The following MEGF10 variants were observed in gnomAD, a reference collection of about 807,000 sequenced individuals.
MEGF10 encodes the protein multiple EGF like domains 10.
A neutral mutation model predicts 147.5 loss-of-function variants in MEGF10; 86 were observed. That is an observed-to-expected ratio of 0.58 (90% CI 0.49 to 0.70). The LOEUF is 0.70. MEGF10 is among the 30% of genes least tolerant of loss of function. The pLI is 0.00. For synonymous variants in MEGF10, 478 were observed against 525.5 expected (o/e 0.91, Z 1.24); for missense variants, 1,329 against 1,487.3 (o/e 0.89, Z 1.75).
intron 13 of MEGF10, among the ~76,000 whole-genome samples, chr5:127,425,206 G>A (rs1765170587): frequency 6.6e-6 from 1 of 152,182 alleles, no homozygotes; most frequent in South Asian, 2.1e-4. Flanking sequence ...CACAGTCTGG[G>A]TCATGGGGTA....
intron 7 of MEGF10, 27 bp downstream of exon 7, chr5:127,398,823 C>T: frequency 6.2e-7 from 1 of 1,612,788 alleles, no homozygotes; most frequent in East Asian, 2.2e-5. Context: ...CCTCCTCTGC[C>T]CCTGCCCCAA....
intron 1 of MEGF10, among the ~76,000 whole-genome samples, chr5:127,306,990 C>T (rs1244400596): frequency 2.0e-5 from 3 of 152,048 alleles, no homozygotes; most frequent in Non-Finnish European, 4.4e-5. Context: ...AAATCATTGA[C>T]AGTGATGCAG....
At chr5:127,367,983 A>C (rs1449858676) in intron 4 of MEGF10, among the ~76,000 whole-genome samples, 2 of 152,190 alleles carry the variant, frequency 1.3e-5, no homozygotes, top group Non-Finnish European at 2.9e-5. Context: ...CATTTAGTTG[A>C]ACTTCCCACA....
chr5:127,432,523 A>C (rs923132195), intron 13 of MEGF10, among the ~76,000 whole-genome samples: 2 of 152,204 alleles, frequency 1.3e-5, no homozygotes, highest in Non-Finnish European at 2.9e-5. Context: ...AATGTGAAGA[A>C]CATTTCTTTG....
chr5:127,237,006 A>G, the MEGF10 span, among the ~76,000 whole-genome samples: 2 of 152,206 alleles, frequency 1.3e-5, no homozygotes, highest in East Asian at 1.9e-4. Context: ...TATGAATTCC[A>G]TATTGACTTC....
At position 127,396,649 on chromosome 5, in the gene MEGF10, G is replaced by A. The variant is rs373950666; in HGVS notation, c.530G>A (p.Arg177His). Residue 177 changes from arginine (R) to histidine (H), a missense_variant, in exon 6 of 25, where the codon CGC (arginine) becomes CAC (histidine). Arg to His is a conservative substitution (Grantham distance 29, BLOSUM62 0). Around this residue, in one of 3 missense-constraint regions of MEGF10, gnomAD observed 980 missense variants for 1,085.9 expected, o/e 0.90. Coordinates refer to ENST00000503335, the MANE Select transcript of MEGF10 (RefSeq NM_001256545.2). ...CHCAAGFRGW[R>H]CEDRCEQGTY... ...TGTGCTGCGGGCTTCCGGGGCTGGC[G>A]CTGCGAGGACCGCTGTGAGCAGGGC... The A allele has an allele frequency of 2.2e-5, 36 of 1,613,932 alleles. No individual in the cohort carries two copies. Among genetic ancestry groups the A allele is most frequent in the African/African-American group, 6.7e-5 (5 of 74,932 alleles).
chr5:127,258,304 A>G, the MEGF10 span, among the ~76,000 whole-genome samples: 2 of 152,206 alleles, frequency 1.3e-5, no homozygotes, highest in Non-Finnish European at 2.9e-5. Flanking sequence ...ACAAATGAGG[A>G]TGAAGAAAAT....
At chr5:127,307,011 C>T (rs967631675) in intron 1 of MEGF10, among the ~76,000 whole-genome samples, 2 of 152,126 alleles carry the variant, frequency 1.3e-5, no homozygotes, top group Admixed American at 1.3e-4. Flanking sequence ...ATTTCAAGGC[C>T]AATGTCACTA....
At chr5:127,347,454 G>C (rs1761931930) in intron 4 of MEGF10, among the ~76,000 whole-genome samples, 2 of 151,958 alleles carry the variant, frequency 1.3e-5, no homozygotes, top group African/African-American at 4.8e-5. Context: ...GGTTCTTCAT[G>C]GGATGGCTTA....
At chr5:127,340,422 T>C in intron 3 of MEGF10, 108 bp from the exon 4 acceptor site, 1 of 722,172 alleles carries the variant, frequency 1.4e-6, no homozygotes, top group South Asian at 2.0e-5. Flanking sequence ...GATGAGTTAG[T>C]ATTATATTGG....
chr5:127,382,168 G>A (rs1763289914), intron 5 of MEGF10, among the ~76,000 whole-genome samples: 1 of 152,146 alleles, frequency 6.6e-6, no homozygotes, highest in African/African-American at 2.4e-5. Context: ...TAATTTTAAT[G>A]AGTTTGAACA....
In MEGF10 at chr5:127,449,141, C is replaced by A. The variant is rs1241764425; in HGVS notation, c.2899C>A (p.Pro967Thr). ...GTTTGTGAATCTTAAAAATGTGAAC[C>A]CTGGGAAGAGAGGCCCTGTGGGGGA... ...QLFVNLKNVN[P>T]GKRGPVGDCT... is the part of the protein sequence containing the mutation. The change falls in exon 22 of 25, where the codon CCT becomes ACT. Residue 967 changes from proline (P) to threonine (T), a missense_variant. This residue lies in a region of MEGF10 where 343 missense variants were observed against 377.9 expected (regional missense o/e 0.91). Transcript: ENST00000503335. The A allele has an allele frequency of 6.2e-7, 1 of 1,613,874 alleles. No homozygotes were observed. Among genetic ancestry groups the A allele is most frequent in the South Asian group, 1.1e-5 (1 of 91,054 alleles).
chr5:127,299,770 A>G (rs1759688255), intron 1 of MEGF10, among the ~76,000 whole-genome samples: 1 of 151,136 alleles, frequency 6.6e-6, no homozygotes, highest in Non-Finnish European at 1.5e-5. Context: ...AGTTAGGCAC[A>G]GAATACAGAC....
At chr5:127,359,297 A>C (rs535608141) in intron 4 of MEGF10, among the ~76,000 whole-genome samples, 2 of 151,556 alleles carry the variant, frequency 1.3e-5, no homozygotes, top group Non-Finnish European at 2.9e-5. Context: ...TTTTTTCTCT[A>C]TGGAGAGAGG....
intron 21 of MEGF10, 60 bp from the exon 22 acceptor site, chr5:127,449,039 C>A: frequency 4.4e-6 from 7 of 1,596,968 alleles, no homozygotes; most frequent in Non-Finnish European, 6.0e-6. Flanking sequence ...AGGTCCATAA[C>A]GCTGTGCTGT....
the MEGF10 span, among the ~76,000 whole-genome samples, chr5:127,233,339 CCTT>C: frequency 6.6e-6 from 1 of 152,158 alleles, no homozygotes; most frequent in African/African-American, 2.4e-5. Context: ...AGGGCAGTCT[CCTT>C]CTCTCCTTTG....
chr5:127,241,925 G>A, the MEGF10 span, among the ~76,000 whole-genome samples: 1 of 151,988 alleles, frequency 6.6e-6, no homozygotes, highest in Non-Finnish European at 1.5e-5. Context: ...GAGCTGCTTG[G>A]GTCCCTATGG....
At chr5:127,252,013 A>G in the MEGF10 span, among the ~76,000 whole-genome samples, 1 of 152,014 alleles carries the variant, frequency 6.6e-6, no homozygotes, top group Admixed American at 6.6e-5. Context: ...TAAACCCTAC[A>G]AAATATTCAA....
At chr5:127,446,633 T>A (rs10072587) in intron 20 of MEGF10, among the ~76,000 whole-genome samples, 73,422 of 152,014 alleles carry the variant, frequency 0.48, 20,117 homozygotes, top group Middle Eastern at 0.66. Flanking sequence ...TTGCAGCCAG[T>A]GTAAAATGAA....
Sources: gnomAD v4.1 joint callset for allele counts (sites outside exome capture counted in the v4.1 genomes callset) on GRCh38, gnomAD v4.1.1 for gene constraint, gnomAD v4.1.1 regional missense constraint, MANE v1.5 for transcripts, NCBI Gene and HGNC (gene_info 2026-07-23, HGNC 2026-07-21) for gene names.